Variants in SETBP1 observed in about 807,000 individuals in gnomAD.
The protein encoded by SETBP1 is SET-binding protein.
In SETBP1, 9 loss-of-function variants were observed where a neutral mutation model predicts 101.0. That is an observed-to-expected ratio of 0.09 (90% CI 0.05 to 0.16). The LOEUF is 0.16. Ranked by LOEUF, SETBP1 falls within the 10% of genes least tolerant of loss-of-function variation. The probability of loss-of-function intolerance (pLI) is 1.00; values close to 1 mark genes in which losing one functional copy is unlikely to be tolerated. For synonymous variants in SETBP1, 818 were observed against 788.5 expected, an observed-to-expected ratio of 1.04 and a Z score of -0.63; for missense variants, 1,858 against 2,033.8, an observed-to-expected ratio of 0.91 and a Z score of 1.66.
intron 2 of SETBP1, among the ~76,000 whole-genome samples, chr18:44,852,666 A>T (rs533198045): frequency 2.6e-5 from 4 of 152,170 alleles, no homozygotes; most frequent in Admixed American, 2.6e-4. Flanking sequence ...GGAGGACCTT[A>T]TTTTCAGAAA....
intron 4 of SETBP1, among the ~76,000 whole-genome samples, chr18:44,982,705 C>A (rs1227161985): frequency 6.6e-6 from 1 of 152,114 alleles, no homozygotes; most frequent in African/African-American, 2.4e-5. Context: ...TTTCTGTTCC[C>A]AGTGGGTCAT....
intron 1 of SETBP1, among the ~76,000 whole-genome samples, chr18:44,694,650 G>A (rs2068985746): frequency 6.6e-6 from 1 of 152,176 alleles, no homozygotes; most frequent in Admixed American, 6.5e-5. Flanking sequence ...TATGGTCTCT[G>A]GTAAGAGGAG....
chr18:44,867,002 G>T (rs918925008), intron 2 of SETBP1, among the ~76,000 whole-genome samples: 1 of 152,232 alleles, frequency 6.6e-6, no homozygotes, highest in African/African-American at 2.4e-5. Flanking sequence ...TAATTCAGAC[G>T]CATTTTATTA....
chr18:44,780,661 G>C (rs1408901219), intron 2 of SETBP1, among the ~76,000 whole-genome samples: 1 of 152,166 alleles, frequency 6.6e-6, no homozygotes, highest in East Asian at 1.9e-4. Flanking sequence ...GCCAAGCTCT[G>C]TACTAGACCC....
At chr18:44,775,261 C>T (rs2070973955) in intron 2 of SETBP1, among the ~76,000 whole-genome samples, 1 of 152,202 alleles carries the variant, frequency 6.6e-6, no homozygotes, top group South Asian at 2.1e-4. Context: ...ATAAGATGTT[C>T]TCCTTGTCCT....
chr18:44,942,082 T>C (rs1049702065), intron 3 of SETBP1, among the ~76,000 whole-genome samples: 1 of 152,218 alleles, frequency 6.6e-6, no homozygotes, highest in Non-Finnish European at 1.5e-5. Flanking sequence ...GATAAGCAGT[T>C]AATTTATTGG....
intron 2 of SETBP1, among the ~76,000 whole-genome samples, chr18:44,760,116 G>T (rs772917188): frequency 6.6e-6 from 1 of 152,168 alleles, no homozygotes; most frequent in African/African-American, 2.4e-5. Context: ...CTGACTGGTG[G>T]TTCCATTTCC....
intron 2 of SETBP1, among the ~76,000 whole-genome samples, chr18:44,817,535 A>G (rs1287632953): frequency 6.6e-6 from 1 of 152,058 alleles, no homozygotes. Flanking sequence ...AATACAAAGA[A>G]TTAGCTGGGC....
At position 44,974,201 on chromosome 18, in the gene SETBP1, C is replaced by T. The variant is rs2071934153; in HGVS notation, c.4000+20861C>T. 1.3e-5 allele frequency among the ~76,000 whole-genome samples: 2 copies of T among 152,150 alleles called. 1 individual carries two copies. The highest frequency in any genetic ancestry group is 4.1e-4 in the South Asian group (2 of 4,828). ...ATAATTATCATAGGCCAATAACAGC[C>T]TGTGTATGGGCCCTGGTCATGGGCC... On this transcript the variant is annotated intron_variant, in intron 4 of 5. Transcript: ENST00000649279.
At chr18:44,890,109 A>G (rs1723106298) in intron 3 of SETBP1, among the ~76,000 whole-genome samples, 1 of 152,102 alleles carries the variant, frequency 6.6e-6, no homozygotes, top group South Asian at 2.1e-4. Context: ...TCTATTTTCA[A>G]TTTCCAGGTA....
At chr18:44,895,264 GGGGGGAGGGA>G (rs1443450003) in intron 3 of SETBP1, among the ~76,000 whole-genome samples, 2 of 84,074 alleles carry the variant, frequency 2.4e-5, no homozygotes, top group African/African-American at 9.2e-5. Flanking sequence ...GAGGAAGGAA[GGGGGGAGGGA>G]GGGGGAGGGA....
chr18:44,969,837 C>T (rs1043082562), intron 4 of SETBP1, among the ~76,000 whole-genome samples: 1 of 152,190 alleles, frequency 6.6e-6, no homozygotes, highest in African/African-American at 2.4e-5. Context: ...AGCTGACCTC[C>T]TCATTCCACC....
chr18:44,931,878 C>G (rs996654852), intron 3 of SETBP1, among the ~76,000 whole-genome samples: 2 of 152,154 alleles, frequency 1.3e-5, no homozygotes, highest in Non-Finnish European at 2.9e-5. Flanking sequence ...ACTGATGGGT[C>G]TTGACTCTTT....
chr18:44,773,921 A>G (rs1450875316), intron 2 of SETBP1, among the ~76,000 whole-genome samples: 1 of 144,340 alleles, frequency 6.9e-6, no homozygotes, highest in African/African-American at 2.6e-5. Context: ...TGGCATGGTG[A>G]GGTAAAAGGC....
Position 44,848,310 on chromosome 18 carries a change from T to C in SETBP1, c.487-20920T>C, listed in dbSNP as rs369677325. On this transcript the variant is annotated intron_variant, in intron 2 of 5. Transcript: ENST00000649279. ...AAATTACAGATATTATTACAATTGA[T>C]GGAAGGCCACTAGAGAGTTATGGGG... Among the ~76,000 whole-genome samples the C allele has an allele frequency of 5.5e-4, 83 of 152,212 alleles. 1 individual carries two copies. Among genetic ancestry groups the C allele is most frequent in the African/African-American group, 2.0e-3 (82 of 41,500 alleles).
At chr18:44,805,764 T>A (rs1178231524) in intron 2 of SETBP1, among the ~76,000 whole-genome samples, 1 of 152,162 alleles carries the variant, frequency 6.6e-6, no homozygotes, top group East Asian at 1.9e-4. Flanking sequence ...AGCGCTGAGC[T>A]TGTAGGGCTA....
chr18:45,027,806 G>A (rs560368621), intron 4 of SETBP1, among the ~76,000 whole-genome samples: 1 of 152,196 alleles, frequency 6.6e-6, no homozygotes, highest in East Asian at 1.9e-4. Context: ...TTCAGTATTG[G>A]AGGACAGAAG....
intron 2 of SETBP1, among the ~76,000 whole-genome samples, chr18:44,845,052 G>A (rs752494126): frequency 1.3e-5 from 2 of 152,170 alleles, no homozygotes; most frequent in African/African-American, 4.8e-5. Flanking sequence ...GTTGTTTTGA[G>A]TGACACAAAA....
chr18:44,681,567 C>G (rs75095624), intron 1 of SETBP1, among the ~76,000 whole-genome samples: 12,899 of 145,084 alleles, frequency 0.089, 632 homozygotes, highest in African/African-American at 0.12. Context: ...CCCGCCCCCC[C>G]ATCCAGACCG....
Sources: allele counts gnomAD v4.1 joint callset (sites outside exome capture counted in the v4.1 genomes callset), GRCh38; gene constraint gnomAD v4.1.1; transcripts MANE v1.5; gene names NCBI Gene and HGNC (gene_info 2026-07-23, HGNC 2026-07-21).